FLT3: variants seen among roughly 807,000 people sequenced by gnomAD.
The protein encoded by FLT3 is fms related receptor tyrosine kinase 3.
A neutral mutation model predicts 126.6 loss-of-function variants in FLT3; 46 were observed. The observed-to-expected ratio is 0.36, with a 90% CI of 0.29 to 0.46. The LOEUF (loss-of-function observed/expected upper bound fraction) is 0.46, where lower values mean the gene tolerates loss of function less well. Ranked by LOEUF, FLT3 falls within the 20% of genes least tolerant of loss-of-function variation. The pLI, the probability that FLT3 is intolerant of heterozygous loss-of-function variation, is 1.00. For synonymous variants in FLT3, 404 were observed against 434.4 expected (o/e 0.93, Z 0.87); for missense variants, 1,069 against 1,190.3 (o/e 0.90, Z 1.50).
At chr13:28,059,196 C>G (rs1186108747) in intron 3 of FLT3, among the ~76,000 whole-genome samples, 1 of 152,120 alleles carries the variant, frequency 6.6e-6, no homozygotes, top group African/African-American at 2.4e-5. Flanking sequence ...ATAACTGGTA[C>G]AAGTTGATCA....
At position 28,031,876 on chromosome 13, in the gene FLT3, C is replaced by T. The variant is rs868447544; in HGVS notation, c.1942+2011G>A. Among the ~76,000 whole-genome samples, 9 of 152,130 alleles carry T rather than the reference C, an allele frequency of 5.9e-5. No homozygotes were observed. The South Asian group carries it at 1.5e-3, about 25-fold the overall frequency. On this transcript the variant is annotated intron_variant, in intron 15 of 23. Coordinates refer to ENST00000241453, the MANE Select transcript of FLT3 (RefSeq NM_004119.3). ...AAGCCATTTGATCTGCTTAGCCTTT[C>T]GCCACTGTCACTTGGACCTCAGTAT...
At chr13:28,062,494 G>A (rs1336151785) in intron 2 of FLT3, among the ~76,000 whole-genome samples, 4 of 152,130 alleles carry the variant, frequency 2.6e-5, no homozygotes, top group Non-Finnish European at 4.4e-5. Flanking sequence ...TGCAATCCTA[G>A]CACTTTGGGA....
At chr13:28,010,452 G>T (rs146508489) in intron 23 of FLT3, among the ~76,000 whole-genome samples, 9 of 152,292 alleles carry the variant, frequency 5.9e-5, no homozygotes, top group African/African-American at 2.2e-4. Flanking sequence ...TAGGGAAATT[G>T]GGGGAGGCTT....
chr13:28,022,250 G>A (rs189741252), intron 19 of FLT3, among the ~76,000 whole-genome samples: 73 of 152,132 alleles, frequency 4.8e-4, no homozygotes, highest in Non-Finnish European at 9.3e-4. Flanking sequence ...GGTGGCTCAC[G>A]CCTGTAATCC....
Position 28,023,521 on chromosome 13 carries a change from AG to A in FLT3, c.2291-45del, listed in dbSNP as rs755423056. On this transcript the variant is annotated intron_variant, in intron 18 of 23. Transcript: ENST00000241453. ...CTTCACTTTTGCCAAAACTCTAAGA[AG>A]TTGCCTTATTAAATCTCTATGGGAA... 32 of 1,608,082 alleles carry A rather than the reference AG, an allele frequency of 2.0e-5. No individual in the cohort carries two copies. The South Asian group carries it at 3.4e-4, about 17-fold the overall frequency.
intron 4 of FLT3, among the ~76,000 whole-genome samples, chr13:28,055,273 T>C (rs758859907): frequency 1.3e-5 from 2 of 152,232 alleles, no homozygotes; most frequent in Non-Finnish European, 2.9e-5. Flanking sequence ...TTCCTCTGCA[T>C]TACACTGCAA....
chr13:28,055,335 A>C (rs1442896408), intron 4 of FLT3, among the ~76,000 whole-genome samples: 3 of 152,178 alleles, frequency 2.0e-5, no homozygotes, highest in Non-Finnish European at 4.4e-5. Context: ...ACACATTCCC[A>C]ATTCCTTCAA....
At chr13:28,096,868 AT>A (rs1879487618) in intron 1 of FLT3, among the ~76,000 whole-genome samples, 1 of 152,216 alleles carries the variant, frequency 6.6e-6, no homozygotes, top group Non-Finnish European at 1.5e-5. Flanking sequence ...AAAATTGGTT[AT>A]TTATACACAA....
At chr13:28,092,924 T>C (rs1286577526) in intron 1 of FLT3, among the ~76,000 whole-genome samples, 1 of 143,790 alleles carries the variant, frequency 7.0e-6, no homozygotes, top group Non-Finnish European at 1.5e-5. Context: ...ACTTTTTTTT[T>C]TTTTTTTTTT....
chr13:28,094,364 C>T (rs1879311942), intron 1 of FLT3, among the ~76,000 whole-genome samples: 1 of 152,082 alleles, frequency 6.6e-6, no homozygotes, highest in Admixed American at 6.5e-5. Flanking sequence ...TACCAATTGA[C>T]CTTATAATGA....
intron 9 of FLT3, among the ~76,000 whole-genome samples, chr13:28,045,644 G>A (rs1267033884): frequency 6.6e-6 from 1 of 152,132 alleles, no homozygotes; most frequent in Non-Finnish European, 1.5e-5. Flanking sequence ...TGGATCACTT[G>A]AGGTCAGGAG....
At chr13:28,074,632 C>T (rs907297191) in intron 1 of FLT3, among the ~76,000 whole-genome samples, 146 of 151,872 alleles carry the variant, frequency 9.6e-4, no homozygotes, top group African/African-American at 3.4e-3. Flanking sequence ...TCATTGTGTT[C>T]TTATTTATTT....
At chr13:28,037,431 A>G in intron 9 of FLT3, 143 bp from the exon 10 acceptor site, 1 of 616,750 alleles carries the variant, frequency 1.6e-6, no homozygotes, top group Non-Finnish European at 2.9e-6. Context: ...TCCATATTGT[A>G]GACCCTTGCT....
chr13:28,047,800 C>G (rs9513000), intron 9 of FLT3, among the ~76,000 whole-genome samples: 22,867 of 151,880 alleles, frequency 0.15, 2,047 homozygotes, highest in Middle Eastern at 0.26. Flanking sequence ...ATACAAATCC[C>G]GAGGAAAACA....
At chr13:28,009,332 G>A (rs1209648906) in intron 23 of FLT3, 1 of 152,150 alleles carries the variant, frequency 6.6e-6, no homozygotes, top group African/African-American at 2.4e-5. Context: ...ATTTCACCAT[G>A]TGGCTGCTCC....
intron 4 of FLT3, among the ~76,000 whole-genome samples, chr13:28,053,712 C>T (rs1239125065): frequency 1.3e-5 from 2 of 151,762 alleles, no homozygotes; most frequent in Non-Finnish European, 2.9e-5. Flanking sequence ...TTTTTTCATC[C>T]AACCTTATGT....
At chr13:28,074,301 G>A (rs1250346744) in intron 1 of FLT3, among the ~76,000 whole-genome samples, 2 of 152,112 alleles carry the variant, frequency 1.3e-5, no homozygotes, top group African/African-American at 4.8e-5. Flanking sequence ...AACACAATTT[G>A]TTTTAATCTA....
chr13:28,030,167 T>C (rs1873192232), intron 15 of FLT3, among the ~76,000 whole-genome samples: 1 of 152,206 alleles, frequency 6.6e-6, no homozygotes, highest in Non-Finnish European at 1.5e-5. Context: ...TGACATCCTC[T>C]ATTTTGGTTT....
At chr13:28,072,334 ATCTTTT>A (rs1376035084) in intron 1 of FLT3, among the ~76,000 whole-genome samples, 1 of 151,936 alleles carries the variant, frequency 6.6e-6, no homozygotes, top group Non-Finnish European at 1.5e-5. Context: ...TTGTATACTT[ATCTTTT>A]TCTTTTTCTT....
Sources: gnomAD v4.1 joint callset for allele counts (sites outside exome capture counted in the v4.1 genomes callset) on GRCh38, gnomAD v4.1.1 for gene constraint, MANE v1.5 for transcripts, NCBI Gene and HGNC (gene_info 2026-07-23, HGNC 2026-07-21) for gene names.